MEP1B: variants seen among roughly 807,000 people sequenced by gnomAD.
MEP1B encodes the protein meprin A subunit beta.
MEP1B carries 80 observed loss-of-function variants against 84.6 expected under a neutral mutation model. The ratio of observed to expected loss-of-function variants is 0.95; its 90% CI spans 0.79 to 1.14. The LOEUF (loss-of-function observed/expected upper bound fraction) is 1.14, where lower values mean the gene tolerates loss of function less well. Ranked by LOEUF, MEP1B falls within the 50% of genes most tolerant of loss-of-function variation. MEP1B has a pLI of 0.00. For missense variants in MEP1B, 766 were observed against 855.1 expected, an observed-to-expected ratio of 0.90 and a Z score of 1.30; for synonymous variants, 273 against 288.1, an observed-to-expected ratio of 0.95 and a Z score of 0.53.
rs544218888 is a variant in MEP1B, at chr18:32,217,247, T to A, written c.1886+130T>A. On this transcript the variant is annotated intron_variant, in intron 13 of 14. Coordinates refer to ENST00000269202, the MANE Select transcript of MEP1B (RefSeq NM_005925.3). ...TCTCATCTCACAGCCATTCATAGAA[T>A]TTTTTTTTTATTCTCCTTTTGGGGC... 22 of 880,380 alleles carry A rather than the reference T, an allele frequency of 2.5e-5. No homozygotes were observed. In the African/African-American group the frequency reaches 2.9e-4, roughly 12 times the overall value. The allele number at this position is 880,380 out of a possible 1,614,324, so 54.5% of individuals were successfully genotyped here.
rs772556934 is a variant in MEP1B, at chr18:32,217,030, C to T, written c.1799C>T (p.Pro600Leu). 2 of 1,613,610 alleles carry T rather than the reference C, an allele frequency of 1.2e-6. No individual in the cohort carries two copies. Among genetic ancestry groups the T allele is most frequent in the African/African-American group, 1.3e-5 (1 of 74,922 alleles). ...HLNSTQIQLT[P>L]APSVQDLCSK... is the part of the protein sequence containing the mutation. ...AACTCTACACAAATCCAGCTAACAC[C>T]AGCCCCTAGTGTTCAAGACCTCTGC... The change falls in exon 13 of 15, where the codon CCA (proline) becomes CTA (leucine). Residue 600 changes from proline (P) to leucine (L), a missense_variant. Transcript: ENST00000269202.
intron 5 of MEP1B, among the ~76,000 whole-genome samples, chr18:32,201,199 T>G (rs940059179): frequency 2.0e-5 from 3 of 152,116 alleles, no homozygotes; most frequent in African/African-American, 7.2e-5. Flanking sequence ...GTGGTCAGTA[T>G]TATCATACCT....
At chr18:32,205,539 T>C (rs1287723226) in intron 7 of MEP1B, among the ~76,000 whole-genome samples, 2 of 152,220 alleles carry the variant, frequency 1.3e-5, no homozygotes, top group African/African-American at 4.8e-5. Context: ...CTAAAAGATT[T>C]CTAGAGAAAC....
chr18:32,196,060 G>A lies in MEP1B; in HGVS notation c.250+575G>A, dbSNP rs565430998. ...GTTCGGGGAAGAAGGGTCATTGGCA[G>A]CCCGGGGCTGGGAACCCAGGTCCTC... On this transcript the variant is annotated intron_variant, in intron 5 of 14. Coordinates refer to ENST00000269202, the MANE Select transcript of MEP1B (RefSeq NM_005925.3). The surrounding 1 kb of genome is among the most constrained non-coding windows in gnomAD (Gnocchi z 4.4). 43 of 433,358 alleles carry A rather than the reference G, an allele frequency of 9.9e-5. 1 individual carries two copies. The highest frequency in any genetic ancestry group is 7.7e-4 in the African/African-American group (38 of 49,266). 26.8% of individuals were successfully genotyped at this position (433,358 alleles called of 1,614,324 possible).
chr18:32,217,810 A>G lies in MEP1B; in HGVS notation c.1936A>G (p.Arg646Gly), dbSNP rs774331178. 6.2e-7 allele frequency: 1 copy of G among 1,613,428 alleles called. No individual in the cohort carries two copies. The highest frequency in any genetic ancestry group is 8.5e-7 in the Non-Finnish European group (1 of 1,179,734). The change falls in exon 14 of 15, where the codon AGA (arginine) becomes GGA (glycine). Residue 646 changes from arginine (R) to glycine (G), a missense_variant. Transcript: ENST00000269202. Reference protein sequence around the residue: ...WWYMGERCEKRGSTRDTIVIA... With the variant: ...WWYMGERCEKGGSTRDTIVIA... ...GTACATGGGAGAAAGGTGTGAAAAGAGAGGCTCCACCCGAGACACCATAGT... is the reference window on the plus strand; with the variant it reads ...GTACATGGGAGAAAGGTGTGAAAAGGGAGGCTCCACCCGAGACACCATAGT...
Position 32,209,876 on chromosome 18 carries a change from C to T in MEP1B, c.920-625C>T, listed in dbSNP as rs534713800. Among the ~76,000 whole-genome samples the T allele has an allele frequency of 2.6e-5, 4 of 152,098 alleles. No homozygotes were observed. The East Asian group carries it at 5.8e-4, about 22-fold the overall frequency. ...TCCTGGCTGGACTCTCACCTCTGTC[C>T]GCAGTGTGTGTTCACCTTTCCAGAA... On this transcript the variant is annotated intron_variant, in intron 9 of 14. Transcript: ENST00000269202.
At chr18:32,210,883 T>C (rs1488627554) in intron 10 of MEP1B, among the ~76,000 whole-genome samples, 167 bp downstream of exon 10, 2 of 152,218 alleles carry the variant, frequency 1.3e-5, no homozygotes, top group Non-Finnish European at 2.9e-5. Flanking sequence ...AGAATGAAGA[T>C]TCTTTCTGAG....
At chr18:32,198,243 C>T (rs1357466870) in intron 5 of MEP1B, among the ~76,000 whole-genome samples, 3 of 152,170 alleles carry the variant, frequency 2.0e-5, no homozygotes, top group African/African-American at 7.2e-5. Flanking sequence ...CCTCCTGGAG[C>T]TGGTGCTGCC....
chr18:32,191,882 A>C, intron 2 of MEP1B, 42 bp downstream of exon 2: 1 of 1,334,384 alleles, frequency 7.5e-7, no homozygotes, highest in Non-Finnish European at 1.0e-6. Context: ...TAGAGAACCT[A>C]GGACATATTT....
At position 32,206,033 on chromosome 18, in the gene MEP1B, G is replaced by A. The variant is rs188215851; in HGVS notation, c.548-1219G>A. ...ATCTCGCTCTGTTGCCCAGGCTGGA[G>A]TGCAGTGGTGCGATCTTGGCTCACT... On this transcript the variant is annotated intron_variant, in intron 7 of 14. Transcript: ENST00000269202. Among the ~76,000 whole-genome samples, 165 of 152,116 alleles carry A rather than the reference G, an allele frequency of 1.1e-3. 1 individual carries two copies. The highest frequency in any genetic ancestry group is 3.3e-3 in the African/African-American group (136 of 41,476).
chr18:32,210,418 A>G (rs1275845694), intron 9 of MEP1B, 83 bp from the exon 10 acceptor site: 2 of 1,195,486 alleles, frequency 1.7e-6, no homozygotes, highest in South Asian at 1.4e-5. Flanking sequence ...TGCCTCGCGT[A>G]AAGAATCTAG....
At chr18:32,207,605 A>C (rs2040979400) in intron 8 of MEP1B, 135 bp downstream of exon 8, 5 of 650,296 alleles carry the variant, frequency 7.7e-6, no homozygotes, top group Non-Finnish European at 1.1e-5. Context: ...AATAAACAGA[A>C]TAGCACTCAG....
At chr18:32,192,852 T>C (rs957998971) in intron 4 of MEP1B, 35 bp downstream of exon 4, 1 of 1,557,946 alleles carries the variant, frequency 6.4e-7, no homozygotes, top group East Asian at 2.2e-5. Flanking sequence ...AATCTTCCAT[T>C]AACCACTGCA....
At chr18:32,205,289 G>T (rs80328221) in intron 7 of MEP1B, among the ~76,000 whole-genome samples, 1 of 152,172 alleles carries the variant, frequency 6.6e-6, no homozygotes, top group Non-Finnish European at 1.5e-5. Context: ...AAGTCACAAA[G>T]TCTTAATAAC....
intron 6 of MEP1B, 49 bp downstream of exon 6, chr18:32,203,059 C>T (rs2040928766): frequency 9.3e-7 from 1 of 1,073,022 alleles, no homozygotes; most frequent in South Asian, 1.4e-5. Flanking sequence ...AACTCTAGTG[C>T]CTGGGACATT....
intron 5 of MEP1B, among the ~76,000 whole-genome samples, chr18:32,200,636 AG>A (rs758856673): frequency 6.6e-6 from 1 of 152,206 alleles, no homozygotes; most frequent in Non-Finnish European, 1.5e-5. Flanking sequence ...CTCAGATTCT[AG>A]TAGGTCAAAC....
rs770988130 is a variant in MEP1B at position 32,207,233 on chromosome 18, T to C, written c.548-19T>C. The C allele has an allele frequency of 6.5e-7, 1 of 1,531,382 alleles. No homozygotes were observed. Among genetic ancestry groups the C allele is most frequent in the South Asian group, 1.1e-5 (1 of 87,000 alleles). The allele number at this position is 1,531,382 out of a possible 1,614,324, so 94.9% of individuals were successfully genotyped here. On this transcript the variant is annotated intron_variant, in intron 7 of 14. Transcript: ENST00000269202. ...GAATTTTGTGAACATCAAGTAAAGA[T>C]TTTTTATTTATCCTTTAGGCAGAGA... is the stretch of plus-strand genomic sequence containing the variant.
chr18:32,195,354 C>T lies in MEP1B; in HGVS notation c.172-53C>T, dbSNP rs547940074. 1.9e-5 allele frequency: 22 copies of T among 1,142,958 alleles called. No homozygotes were observed. The East Asian group carries it at 4.7e-4, about 24-fold the overall frequency. 70.8% of individuals were successfully genotyped at this position (1,142,958 alleles called of 1,614,324 possible). On this transcript the variant is annotated intron_variant, in intron 4 of 14. Transcript: ENST00000269202. ...TATTTCTAGATTAACTACAGGTTTC[C>T]TAAGTGTTTGCCTTATTTGTTTAAC...
intron 12 of MEP1B, among the ~76,000 whole-genome samples, chr18:32,215,922 G>A (rs892250734): frequency 4.3e-5 from 6 of 137,978 alleles, no homozygotes; most frequent in Non-Finnish European, 6.4e-5. Context: ...GACTGGAAAC[G>A]TCTGCATCTT....
Sources: gnomAD v4.1 joint callset for allele counts (sites outside exome capture counted in the v4.1 genomes callset) on GRCh38, gnomAD v4.1.1 for gene constraint, Gnocchi (gnomAD v3.1) non-coding constraint, MANE v1.5 for transcripts, NCBI Gene and HGNC (gene_info 2026-07-23, HGNC 2026-07-21) for gene names.